The following NMNAT3 variants were observed in gnomAD, a reference collection of about 807,000 sequenced individuals.
The protein encoded by NMNAT3 is nicotinamide/nicotinic acid mononucleotide adenylyltransferase 3.
Under a neutral mutation model 24.8 loss-of-function variants are expected in NMNAT3, and 21 were observed. The ratio of observed to expected loss-of-function variants is 0.85; its 90% CI spans 0.60 to 1.22. The LOEUF (loss-of-function observed/expected upper bound fraction) is 1.22. NMNAT3 is among the 50% of genes most tolerant of loss of function. The pLI, the probability that NMNAT3 is intolerant of heterozygous loss-of-function variation, is 0.00. For synonymous variants in NMNAT3, 136 were observed against 155.2 expected, an observed-to-expected ratio of 0.88 and a Z score of 0.92; for missense variants, 387 against 436.6, an observed-to-expected ratio of 0.89 and a Z score of 1.01.
chr3:139,603,824 C>T (rs572382039), intron 3 of NMNAT3, among the ~76,000 whole-genome samples: 1 of 152,358 alleles, frequency 6.6e-6, no homozygotes, highest in East Asian at 1.9e-4. Flanking sequence ...GCTGTTAAAG[C>T]AGCCACCACC....
chr3:139,611,801 C>T (rs570180725), intron 3 of NMNAT3, among the ~76,000 whole-genome samples: 3 of 152,314 alleles, frequency 2.0e-5, no homozygotes, highest in African/African-American at 7.2e-5. Flanking sequence ...CATCTGTGCC[C>T]ATTTCTGCTC....
At chr3:139,607,508 A>T (rs942697638) in intron 3 of NMNAT3, among the ~76,000 whole-genome samples, 5 of 152,296 alleles carry the variant, frequency 3.3e-5, no homozygotes, top group Admixed American at 6.5e-5. Flanking sequence ...GTATCCAATC[A>T]CAATGCTGCT....
intron 6 of NMNAT3, chr3:139,568,152 A>T (rs1937535043): frequency 6.6e-6 from 1 of 152,060 alleles, no homozygotes; most frequent in Admixed American, 6.5e-5. Flanking sequence ...GTATTCTCTG[A>T]TGGTAGTTTG....
intron 2 of NMNAT3, chr3:139,636,138 A>G (rs1405354444): frequency 6.6e-6 from 1 of 152,104 alleles, no homozygotes; most frequent in African/African-American, 2.4e-5. Context: ...AGCCACCATT[A>G]TTTTCCATTT....
intron 3 of NMNAT3, among the ~76,000 whole-genome samples, chr3:139,602,568 G>T (rs1234644362): frequency 2.0e-5 from 3 of 152,134 alleles, no homozygotes; most frequent in Admixed American, 6.5e-5. Flanking sequence ...GTGAGGTTTA[G>T]GCACTTTAAT....
intron 6 of NMNAT3, chr3:139,566,669 T>A (rs1233158687): frequency 6.6e-6 from 1 of 152,212 alleles, no homozygotes; most frequent in Admixed American, 6.5e-5. Context: ...GATCAGATAG[T>A]TGTAGATAGG....
intron 5 of NMNAT3, chr3:139,576,188 C>A (rs1165676116): frequency 2.0e-6 from 2 of 985,278 alleles, no homozygotes; most frequent in Non-Finnish European, 2.4e-6. Flanking sequence ...TGGATTTCTA[C>A]CATGCTTCTA....
intron 1 of NMNAT3, among the ~76,000 whole-genome samples, chr3:139,674,495 T>A (rs1413130377): frequency 6.6e-6 from 1 of 152,220 alleles, no homozygotes; most frequent in Non-Finnish European, 1.5e-5. Flanking sequence ...CGAGCCACTT[T>A]ATTTAAGAGC....
At chr3:139,603,689 T>C (rs2054814754) in intron 3 of NMNAT3, among the ~76,000 whole-genome samples, 1 of 151,962 alleles carries the variant, frequency 6.6e-6, no homozygotes, top group Non-Finnish European at 1.5e-5. Flanking sequence ...CTAATATGCC[T>C]CATTGCTATG....
In NMNAT3 at chr3:139,665,454, A is replaced by G. The variant is rs1282034729; in HGVS notation, c.-141+12251T>C. On this transcript the variant is annotated intron_variant, in intron 1 of 6. Transcript: ENST00000643695. Reference sequence around the variant, plus strand: ...AAATAAGTTACAGTAGCCACAGTCCATAATCTCTAGGAGCCATGGTCTGAT... The same window carrying G: ...AAATAAGTTACAGTAGCCACAGTCCGTAATCTCTAGGAGCCATGGTCTGAT... Among the ~76,000 whole-genome samples, 3 of 152,168 alleles carry G rather than the reference A, an allele frequency of 2.0e-5. No individual in the cohort carries two copies. In the South Asian group the frequency reaches 6.2e-4, roughly 32 times the overall value.
chr3:139,618,453 T>C (rs2055610826), intron 3 of NMNAT3, among the ~76,000 whole-genome samples: 1 of 151,990 alleles, frequency 6.6e-6, no homozygotes, highest in Non-Finnish European at 1.5e-5. Context: ...CAATTGTAGT[T>C]TGAAGAAGGA....
At chr3:139,603,732 C>T (rs932096029) in intron 3 of NMNAT3, among the ~76,000 whole-genome samples, 7 of 152,134 alleles carry the variant, frequency 4.6e-5, no homozygotes, top group Admixed American at 2.0e-4. Flanking sequence ...CCACCACACT[C>T]CAACTAACCA....
chr3:139,643,608 G>T (rs551183241), intron 1 of NMNAT3, among the ~76,000 whole-genome samples: 1 of 152,284 alleles, frequency 6.6e-6, no homozygotes, highest in South Asian at 2.1e-4. Flanking sequence ...AGGACATCAT[G>T]CTAAGTAAAA....
Position 139,613,167 on chromosome 3 carries a change from C to T in NMNAT3, c.109+14449G>A, listed in dbSNP as rs1187452575. ...ATTAAACTAAAGAGCTTCCGCACAG[C>T]AAAAGAAACTACCATCAGAGTGAAC... On this transcript the variant is annotated intron_variant, in intron 3 of 6. Transcript: ENST00000643695. 3.9e-5 allele frequency among the ~76,000 whole-genome samples: 6 copies of T among 152,234 alleles called. No individual in the cohort carries two copies. The South Asian group carries it at 1.0e-3, about 26-fold the overall frequency.
At chr3:139,599,080 T>C in intron 3 of NMNAT3, 1 of 489,790 alleles carries the variant, frequency 2.0e-6, no homozygotes, top group Non-Finnish European at 3.6e-6. Flanking sequence ...GCTAGCAGCC[T>C]CACAAACCGT....
At chr3:139,599,071 C>A (rs1043563486) in intron 3 of NMNAT3, 2 of 476,208 alleles carry the variant, frequency 4.2e-6, no homozygotes, top group Non-Finnish European at 7.3e-6. Flanking sequence ...GCTTAAAATG[C>A]TAGCAGCCTC....
chr3:139,658,780 T>C (rs2108416542), intron 1 of NMNAT3, among the ~76,000 whole-genome samples: 1 of 152,332 alleles, frequency 6.6e-6, no homozygotes, highest in African/African-American at 2.4e-5. Context: ...TTTTTTTCGT[T>C]TCTTTGAACT....
At position 139,568,472 on chromosome 3, in the gene NMNAT3, G is replaced by A. The variant is rs563018789; in HGVS notation, c.658+5126C>T. The A allele has an allele frequency of 2.6e-5, 4 of 152,244 alleles. No individual in the cohort carries two copies. The East Asian group carries it at 7.7e-4, about 29-fold the overall frequency. 9.4% of individuals were successfully genotyped at this position (152,244 alleles called of 1,614,324 possible). ...TTGGATCTTTCCTGCTTTGTCTTGT[G>A]GCCTTTAGTGCTATAAATTTCCCTC... On this transcript the variant is annotated intron_variant, in intron 6 of 6. Transcript: ENST00000643695.
At chr3:139,652,494 A>T (rs1193459089) in intron 1 of NMNAT3, among the ~76,000 whole-genome samples, 1 of 151,864 alleles carries the variant, frequency 6.6e-6, no homozygotes, top group Non-Finnish European at 1.5e-5. Context: ...ATGAGATTCG[A>T]CCCCACCCTG....
Sources: allele counts gnomAD v4.1 joint callset (sites outside exome capture counted in the v4.1 genomes callset), GRCh38; gene constraint gnomAD v4.1.1; transcripts MANE v1.5; gene names NCBI Gene and HGNC (gene_info 2026-07-23, HGNC 2026-07-21).